Variants in SORBS2 observed in about 807,000 individuals in gnomAD.
SORBS2 encodes the protein sorbin and SH3 domain-containing protein 2.
A neutral mutation model predicts 97.7 loss-of-function variants in SORBS2; 46 were observed. The ratio of observed to expected loss-of-function variants is 0.47; its 90% CI spans 0.37 to 0.60. The LOEUF is 0.60. Ranked by LOEUF, SORBS2 falls within the 20% of genes least tolerant of loss-of-function variation. The pLI, the probability that SORBS2 is intolerant of heterozygous loss-of-function variation, is 0.00. For missense variants in SORBS2, 1,316 were observed against 1,282.3 expected, an observed-to-expected ratio of 1.03 and a Z score of -0.40; for synonymous variants, 476 against 473.4, an observed-to-expected ratio of 1.01 and a Z score of -0.07.
upstream of SORBS2, among the ~76,000 whole-genome samples, chr4:185,659,969 C>T (rs2097488953): frequency 6.6e-6 from 1 of 152,140 alleles, no homozygotes; most frequent in Non-Finnish European, 1.5e-5. Context: ...TTATTATTCT[C>T]ATATATGGTC....
intron 1 of SORBS2, among the ~76,000 whole-genome samples, chr4:185,854,191 C>T (rs928886938): frequency 6.6e-5 from 10 of 152,126 alleles, no homozygotes; most frequent in Admixed American, 3.3e-4. Context: ...AAGGGGGTGG[C>T]GGAGTGGACA....
intron 1 of SORBS2, chr4:185,918,634 C>T (rs1484678203): frequency 6.6e-6 from 1 of 152,238 alleles, no homozygotes. Context: ...ATTAGAGAGA[C>T]ATTTGCGTAG....
At chr4:185,613,792 G>A (rs1397812503) in intron 11 of SORBS2, among the ~76,000 whole-genome samples, 2 of 152,146 alleles carry the variant, frequency 1.3e-5, no homozygotes, top group Non-Finnish European at 2.9e-5. Context: ...CATGGAACAG[G>A]AGACAGAGTT....
At chr4:185,654,813 T>TG (rs917157657) in intron 1 of SORBS2, among the ~76,000 whole-genome samples, 3 of 151,896 alleles carry the variant, frequency 2.0e-5, no homozygotes, top group Admixed American at 2.0e-4. Flanking sequence ...ATGCCGTTTT[T>TG]TCTACAACCT....
intron 1 of SORBS2, among the ~76,000 whole-genome samples, chr4:185,930,821 A>C (rs369450465): frequency 3.9e-5 from 6 of 152,228 alleles, no homozygotes; most frequent in African/African-American, 7.2e-5. Context: ...TGATGGAAAA[A>C]GTAATAATGA....
intron 9 of SORBS2, among the ~76,000 whole-genome samples, chr4:185,617,082 G>A (rs994812688): frequency 6.6e-6 from 1 of 152,174 alleles, no homozygotes; most frequent in Non-Finnish European, 1.5e-5. Flanking sequence ...AGAAGACCTC[G>A]TGAGCCTTGG....
At chr4:185,651,736 C>A (rs1439152906) in intron 2 of SORBS2, 48 bp downstream of exon 11, 2 of 1,061,174 alleles carry the variant, frequency 1.9e-6, no homozygotes, top group East Asian at 4.7e-5. Flanking sequence ...TTCTTCCAAA[C>A]ATTGCTGAGC....
chr4:185,711,702 C>T (rs1488976713), intron 2 of SORBS2, among the ~76,000 whole-genome samples: 1 of 152,162 alleles, frequency 6.6e-6, no homozygotes. Context: ...TTGAGGCAAT[C>T]GTAGAGGAAT....
intron 4 of SORBS2, among the ~76,000 whole-genome samples, chr4:185,639,633 C>T (rs2097094434): frequency 6.6e-6 from 1 of 152,080 alleles, no homozygotes; most frequent in Non-Finnish European, 1.5e-5. Context: ...GTTATTACTT[C>T]TTTGATAATT....
In SORBS2 at chr4:185,864,295, A is replaced by T. The variant is rs537363970; in HGVS notation, c.-337-88929T>A. 3.3e-5 allele frequency among the ~76,000 whole-genome samples: 5 copies of T among 152,326 alleles called. No individual in the cohort carries two copies. The East Asian group carries it at 9.6e-4, about 29-fold the overall frequency. On this transcript the variant is annotated intron_variant, in intron 1 of 20. Coordinates refer to the SORBS2 transcript ENST00000284776. ...CACATTGAATTTTCCCCACAACTAAACATTAGATTCAAAGAAAGAGATTAA... is the reference window on the plus strand; with the variant it reads ...CACATTGAATTTTCCCCACAACTAATCATTAGATTCAAAGAAAGAGATTAA...
In SORBS2 at chr4:185,786,842, A is replaced by C. The variant is rs542213027; in HGVS notation, c.-337-11476T>G. Reference sequence around the variant, plus strand: ...CCGTGTGTGGTGGTGTGTACCTGTAATCCCAGCTACTTGGGAGGCTGAGGC... The same window carrying C: ...CCGTGTGTGGTGGTGTGTACCTGTACTCCCAGCTACTTGGGAGGCTGAGGC... On this transcript the variant is annotated intron_variant, in intron 1 of 20. Transcript: ENST00000284776. Among the ~76,000 whole-genome samples the C allele has an allele frequency of 1.3e-5, 2 of 152,182 alleles. 1 individual carries two copies. Among genetic ancestry groups the C allele is most frequent in the South Asian group, 4.2e-4 (2 of 4,812 alleles).
intron 2 of SORBS2, among the ~76,000 whole-genome samples, chr4:185,751,073 T>A (rs1043685429): frequency 2.7e-5 from 4 of 149,964 alleles, no homozygotes; most frequent in Non-Finnish European, 3.0e-5. Flanking sequence ...AAGTTCATGA[T>A]ACAGGATTTA....
At chr4:185,591,496 G>C (rs2153358207) in intron 13 of SORBS2, among the ~76,000 whole-genome samples, 1 of 152,272 alleles carries the variant, frequency 6.6e-6, no homozygotes, top group Non-Finnish European at 1.5e-5. Context: ...GCTTTGCTAG[G>C]GGTAGTCCAT....
chr4:185,844,543 GAAAACAGT>G (rs2153678497), intron 1 of SORBS2, among the ~76,000 whole-genome samples: 1 of 152,306 alleles, frequency 6.6e-6, no homozygotes, highest in Admixed American at 6.5e-5. Flanking sequence ...AGCTACTGTG[GAAAACAGT>G]TTCATGATTC....
intron 2 of SORBS2, among the ~76,000 whole-genome samples, chr4:185,686,790 T>A (rs2097969095): frequency 6.6e-6 from 1 of 152,296 alleles, no homozygotes; most frequent in Admixed American, 6.5e-5. Flanking sequence ...ACAGGTTAAA[T>A]CTCTGGTGTT....
At chr4:185,657,175 G>C (rs1299598879), upstream of SORBS2, 4 of 367,068 alleles carry the variant, frequency 1.1e-5, no homozygotes, top group Non-Finnish European at 1.9e-5. Context: ...ACACAACACA[G>C]TTTTACCATT....
chr4:185,763,159 A>G (rs974748202), intron 2 of SORBS2, among the ~76,000 whole-genome samples: 2 of 152,112 alleles, frequency 1.3e-5, no homozygotes, highest in Non-Finnish European at 2.9e-5. Flanking sequence ...ACTGCACTCC[A>G]GCCTGGGTGA....
At chr4:185,696,985 C>T (rs3898149) in intron 2 of SORBS2, among the ~76,000 whole-genome samples, 29,738 of 152,092 alleles carry the variant, frequency 0.2, 3,566 homozygotes, top group South Asian at 0.37. Flanking sequence ...ATCAAAGAGA[C>T]ATGTGAGGAA....
upstream of SORBS2, among the ~76,000 whole-genome samples, chr4:185,659,957 T>C (rs989072977): frequency 6.6e-6 from 1 of 152,238 alleles, no homozygotes; most frequent in African/African-American, 2.4e-5. Flanking sequence ...TAACCCTTTA[T>C]TTTATTATTC....
Sources: allele counts gnomAD v4.1 joint callset (sites outside exome capture counted in the v4.1 genomes callset), GRCh38; gene constraint gnomAD v4.1.1; transcripts MANE v1.5; gene names NCBI Gene and HGNC (gene_info 2026-07-23, HGNC 2026-07-21).